C1QTNF7: variants seen among roughly 807,000 people sequenced by gnomAD.
C1QTNF7 encodes C1q and TNF related 7, also known as complement C1q tumor necrosis factor-related protein 7.
Under a neutral mutation model 19.6 loss-of-function variants are expected in C1QTNF7, and 15 were observed. That is an observed-to-expected ratio of 0.76 (90% CI 0.51 to 1.18). The LOEUF (loss-of-function observed/expected upper bound fraction) is 1.18, where lower values mean the gene tolerates loss of function less well. C1QTNF7 is among the 50% of genes most tolerant of loss of function. The pLI, the probability that C1QTNF7 is intolerant of heterozygous loss-of-function variation, is 0.00. For synonymous variants in C1QTNF7, 142 were observed against 137.5 expected, an observed-to-expected ratio of 1.03 and a Z score of -0.23; for missense variants, 324 against 359.7, an observed-to-expected ratio of 0.90 and a Z score of 0.80.
exon 1 of C1QTNF7, chr4:15,340,190 C>G (rs1446537057): frequency 6.4e-7 from 1 of 1,551,572 alleles, no homozygotes; most frequent in Admixed American, 2.0e-5. Context: ...AGTTTGATAT[C>G]AGCAATGTCC....
upstream of C1QTNF7, among the ~76,000 whole-genome samples, chr4:15,423,727 A>G (rs1475649433): frequency 6.6e-6 from 1 of 152,166 alleles, no homozygotes; most frequent in Non-Finnish European, 1.5e-5. Context: ...GCCTCCACTC[A>G]GCATCATCCT....
chr4:15,352,666 A>T (rs1200069416), intron 1 of C1QTNF7, among the ~76,000 whole-genome samples: 1 of 152,200 alleles, frequency 6.6e-6, no homozygotes, highest in Non-Finnish European at 1.5e-5. Flanking sequence ...CAGAATCAGG[A>T]TTGCTCATAA....
Position 15,363,758 on chromosome 4 carries a change from T to A in C1QTNF7, c.13+23551T>A, listed in dbSNP as rs145821645. On this transcript the variant is annotated intron_variant, in intron 1 of 2. Coordinates refer to the C1QTNF7 transcript ENST00000295297. ...AATCTTGTAAGAAAATTACCATTTT[T>A]TGAGAGCCTGAAATGTGTTAGGCAC... 8.2e-4 allele frequency among the ~76,000 whole-genome samples: 125 copies of A among 152,324 alleles called. 1 individual carries two copies. The highest frequency in any genetic ancestry group is 2.8e-3 in the African/African-American group (115 of 41,570).
At chr4:15,347,299 C>T (rs546832979) in intron 1 of C1QTNF7, among the ~76,000 whole-genome samples, 171 of 152,274 alleles carry the variant, frequency 1.1e-3, no homozygotes, top group African/African-American at 4.0e-3. Context: ...ATTAATATAC[C>T]ACTGGTCACC....
rs1264596804 is a variant in C1QTNF7, at chr4:15,387,666, G to T, written c.13+47459G>T. ...GGAATGCAATTGTAGAGAGTGAATA[G>T]AAATCCTTTATTCAAGGACTTTGAG... On this transcript the variant is annotated intron_variant, in intron 1 of 2. Coordinates refer to the C1QTNF7 transcript ENST00000295297. Among the ~76,000 whole-genome samples the T allele has an allele frequency of 2.6e-5, 4 of 152,246 alleles. No individual in the cohort carries two copies. In the East Asian group the frequency reaches 5.8e-4, roughly 22 times the overall value.
intron 1 of C1QTNF7, among the ~76,000 whole-genome samples, chr4:15,421,672 G>C (rs1433667425): frequency 1.3e-5 from 2 of 152,178 alleles, no homozygotes; most frequent in Non-Finnish European, 2.9e-5. Context: ...CTATCACTCA[G>C]TAGCTGTGTG....
chr4:15,387,095 G>A (rs1192563454), intron 1 of C1QTNF7, among the ~76,000 whole-genome samples: 1 of 152,166 alleles, frequency 6.6e-6, no homozygotes, highest in Non-Finnish European at 1.5e-5. Flanking sequence ...CACTTGAGGT[G>A]ATGTTTATGG....
intron 1 of C1QTNF7, among the ~76,000 whole-genome samples, chr4:15,365,857 G>C (rs1403583450): frequency 1.3e-5 from 2 of 152,092 alleles, no homozygotes; most frequent in African/African-American, 4.8e-5. Flanking sequence ...AATCACTGTT[G>C]CCAGAGGTGT....
At chr4:15,395,324 C>T (rs1011698240) in intron 1 of C1QTNF7, among the ~76,000 whole-genome samples, 3 of 152,126 alleles carry the variant, frequency 2.0e-5, no homozygotes, top group Middle Eastern at 3.4e-3. Context: ...TGGTGGGGGG[C>T]GTGGACTCTG....
Position 15,358,950 on chromosome 4 carries a change from A to G in C1QTNF7, c.13+18743A>G, listed in dbSNP as rs116759150. ...TCCCAGGCATGGCAGTTGATGCTCT[A>G]TGGTCACTGTCTTGAAATTTCCAAT... On this transcript the variant is annotated intron_variant, in intron 1 of 2. Transcript: ENST00000295297. 3.1e-3 allele frequency among the ~76,000 whole-genome samples: 476 copies of G among 152,266 alleles called. 2 individuals are homozygous for G. The highest frequency in any genetic ancestry group is 0.011 in the African/African-American group (454 of 41,564).
At position 15,406,593 on chromosome 4, in the gene C1QTNF7, G is replaced by C. The variant is rs1229084939; in HGVS notation, c.14-29143G>C. ...TCCTAATTGGAAAATGATGCACAAA[G>C]AGTTCACTAGAGGGATGCCTATTAC... On this transcript the variant is annotated intron_variant, in intron 1 of 2. Transcript: ENST00000295297. Among the ~76,000 whole-genome samples the C allele has an allele frequency of 4.6e-5, 7 of 152,128 alleles. No individual in the cohort carries two copies. The East Asian group carries it at 1.2e-3, about 25-fold the overall frequency.
chr4:15,435,946 G>A lies in C1QTNF7; in HGVS notation c.203G>A (p.Gly68Asp). 6.2e-7 allele frequency: 1 copy of A among 1,614,002 alleles called. No individual in the cohort carries two copies. The change falls in exon 2 of 3, where the codon GGC (glycine) becomes GAC (aspartate). Residue 68 changes from glycine (G) to aspartate (D), a missense_variant. Coordinates refer to ENST00000444304, the MANE Select transcript of C1QTNF7 (RefSeq NM_031911.5). ...IGLPGRDGRD[G>D]RKGEKGEKGT... is the part of the protein sequence containing the mutation. Reference sequence around the variant, plus strand: ...CTTCCAGGAAGAGATGGTAGAGACGGCAGGAAAGGAGAGAAAGGTGAAAAG... The same window carrying A: ...CTTCCAGGAAGAGATGGTAGAGACGACAGGAAAGGAGAGAAAGGTGAAAAG...
chr4:15,392,468 GC>G (rs2108900439), intron 1 of C1QTNF7, among the ~76,000 whole-genome samples: 1 of 152,286 alleles, frequency 6.6e-6, no homozygotes, highest in South Asian at 2.1e-4. Context: ...AGGCACCTGT[GC>G]AGGGAAGCAG....
chr4:15,393,772 C>T (rs1235965890), intron 1 of C1QTNF7, among the ~76,000 whole-genome samples: 1 of 152,190 alleles, frequency 6.6e-6, no homozygotes, highest in Non-Finnish European at 1.5e-5. Flanking sequence ...AGAGCACTAG[C>T]ACCAAGACAG....
At chr4:15,423,503 G>A (rs1711887352), upstream of C1QTNF7, among the ~76,000 whole-genome samples, 2 of 152,228 alleles carry the variant, frequency 1.3e-5, no homozygotes, top group African/African-American at 2.4e-5. Context: ...AGTCATTTCA[G>A]CTGGTTGAAG....
At chr4:15,401,864 GAGAA>G (rs1254679612) in intron 1 of C1QTNF7, among the ~76,000 whole-genome samples, 2 of 152,096 alleles carry the variant, frequency 1.3e-5, no homozygotes, top group Non-Finnish European at 2.9e-5. Flanking sequence ...CACACGAAAT[GAGAA>G]AGAAAGAAAC....
chr4:15,358,206 G>T lies in C1QTNF7; in HGVS notation c.13+17999G>T, dbSNP rs1280471219. 3 of 152,012 alleles carry T rather than the reference G, an allele frequency of 2.0e-5. No homozygotes were observed. The East Asian group carries it at 5.8e-4, about 29-fold the overall frequency. 9.4% of individuals were successfully genotyped at this position (152,012 alleles called of 1,614,324 possible). On this transcript the variant is annotated intron_variant, in intron 1 of 2. Transcript: ENST00000295297. ...CCCATTCAGTATGATATTGGCTGTG[G>T]GTTTGTCATAAATAGCTCTTATTAT...
At chr4:15,406,555 C>T (rs1719201436) in intron 1 of C1QTNF7, among the ~76,000 whole-genome samples, 1 of 152,096 alleles carries the variant, frequency 6.6e-6, no homozygotes, top group Admixed American at 6.6e-5. Flanking sequence ...GAGTATGCTG[C>T]CAGCGTCAAA....
chr4:15,383,905 G>T (rs1331191744), intron 1 of C1QTNF7, among the ~76,000 whole-genome samples: 1 of 152,222 alleles, frequency 6.6e-6, no homozygotes, highest in Non-Finnish European at 1.5e-5. Flanking sequence ...TTGAACATTT[G>T]TGTAGGTTAA....
Sources: allele counts gnomAD v4.1 joint callset (sites outside exome capture counted in the v4.1 genomes callset), GRCh38; gene constraint gnomAD v4.1.1; transcripts MANE v1.5; gene names NCBI Gene and HGNC (gene_info 2026-07-23, HGNC 2026-07-21).